SCNN1B: variants seen among roughly 807,000 people sequenced by gnomAD.
SCNN1B encodes the protein epithelial sodium channel subunit beta.
SCNN1B carries 46 observed loss-of-function variants against 65.3 expected under a neutral mutation model. The ratio of observed to expected loss-of-function variants is 0.70; its 90% confidence interval spans 0.56 to 0.90. The LOEUF (loss-of-function observed/expected upper bound fraction) is 0.90, where lower values mean the gene tolerates loss of function less well. SCNN1B is among the 40% of genes least tolerant of loss of function. The pLI is 0.00. For synonymous variants in SCNN1B, 349 were observed against 330.6 expected, an observed-to-expected ratio of 1.06 and a Z score of -0.60; for missense variants, 751 against 830.5, an observed-to-expected ratio of 0.90 and a Z score of 1.18.
chr16:23,308,299 G>A (rs184332443), intron 1 of SCNN1B, among the ~76,000 whole-genome samples: 409 of 152,294 alleles, frequency 2.7e-3, no homozygotes, highest in African/African-American at 9.6e-3. Flanking sequence ...GAGGTGAGAG[G>A]ATCAATTGAG....
At chr16:23,301,257 G>A (rs1351212736), upstream of SCNN1B, among the ~76,000 whole-genome samples, 1 of 151,746 alleles carries the variant, frequency 6.6e-6, no homozygotes, top group African/African-American at 2.4e-5. Flanking sequence ...AGCTACTAGG[G>A]AGGCTGAGGC....
intron 2 of SCNN1B, among the ~76,000 whole-genome samples, chr16:23,288,043 C>G (rs1162341455): frequency 6.6e-6 from 1 of 151,716 alleles, no homozygotes; most frequent in Non-Finnish European, 1.5e-5. Flanking sequence ...GTAGTCCCAG[C>G]TGCTTGGTGG....
intron 2 of SCNN1B, among the ~76,000 whole-genome samples, chr16:23,291,303 T>G (rs928983031): frequency 1.3e-5 from 2 of 152,104 alleles, no homozygotes; most frequent in Admixed American, 6.6e-5. Context: ...CCTCAAGTGA[T>G]CCACCTGCCT....
intron 1 of SCNN1B, among the ~76,000 whole-genome samples, chr16:23,323,030 CAA>C (rs111533667): frequency 7.5e-6 from 1 of 132,900 alleles, no homozygotes. Context: ...ACTAAAAATA[CAA>C]AAAAAAAAAA....
chr16:23,283,603 A>G (rs987279960), intron 1 of SCNN1B: 2 of 152,236 alleles, frequency 1.3e-5, no homozygotes, highest in Non-Finnish European at 2.9e-5. Context: ...CACCATGGTA[A>G]AGTCAGAAAA....
At chr16:23,316,404 TCAC>T (rs1426958643) in intron 1 of SCNN1B, among the ~76,000 whole-genome samples, 1 of 142,250 alleles carries the variant, frequency 7.0e-6, no homozygotes, top group African/African-American at 2.6e-5. Context: ...ATCATCATCA[TCAC>T]CACCATCACC....
chr16:23,329,739 C>T (rs997194189), intron 1 of SCNN1B, among the ~76,000 whole-genome samples: 2 of 152,240 alleles, frequency 1.3e-5, no homozygotes, highest in Non-Finnish European at 2.9e-5. Flanking sequence ...CAAACTGTAT[C>T]TTTATTGCAT....
chr16:23,350,409 G>A lies in SCNN1B; in HGVS notation c.311+1499G>A, dbSNP rs59551399. ...AAGACCTGTGAAGGGGACACAAGAG[G>A]AGACCCAACCTAGTCAGGGTTATGG... On this transcript the variant is annotated intron_variant, in intron 2 of 12. Transcript: ENST00000343070. Among the ~76,000 whole-genome samples the A allele has an allele frequency of 2.1e-3, 315 of 152,244 alleles. 3 individuals carry two copies. The East Asian group carries it at 0.034, about 16-fold the overall frequency.
At chr16:23,369,263 T>A (rs1179914429) in intron 5 of SCNN1B, among the ~76,000 whole-genome samples, 1 of 151,986 alleles carries the variant, frequency 6.6e-6, no homozygotes, top group Non-Finnish European at 1.5e-5. Flanking sequence ...GGCTAATTTT[T>A]TGTAGAGATA....
chr16:23,278,656 A>C (rs2141965310), intron 1 of SCNN1B, among the ~76,000 whole-genome samples: 1 of 152,158 alleles, frequency 6.6e-6, no homozygotes, highest in South Asian at 2.1e-4. Flanking sequence ...GTTGCATAAC[A>C]TCTGAGTGCA....
chr16:23,368,383 A>T (rs909913929), intron 5 of SCNN1B, among the ~76,000 whole-genome samples: 2 of 152,124 alleles, frequency 1.3e-5, no homozygotes, highest in African/African-American at 4.8e-5. Context: ...TTAAAAAAAA[A>T]ATACAAAAAT....
chr16:23,350,212 C>A lies in SCNN1B; in HGVS notation c.311+1302C>A, dbSNP rs111924663. Among the ~76,000 whole-genome samples the A allele has an allele frequency of 6.3e-3, 967 of 152,292 alleles. 11 individuals are homozygous for A. The highest frequency in any genetic ancestry group is 0.022 in the African/African-American group (903 of 41,544). ...CCACCCTAGGATTGGGAACTCCTGT[C>A]GCAGCCCCAGTTTACAGGTGAGGAG... On this transcript the variant is annotated intron_variant, in intron 2 of 12. Coordinates refer to ENST00000343070, the MANE Select transcript of SCNN1B (RefSeq NM_000336.3).
At chr16:23,360,202 A>AAAT (rs1372762605) in intron 4 of SCNN1B, among the ~76,000 whole-genome samples, 2 of 104,492 alleles carry the variant, frequency 1.9e-5, no homozygotes, top group East Asian at 3.0e-4. Context: ...CATCTCAAAA[A>AAAT]AATAAATAAA....
At chr16:23,355,698 C>T (rs773921264) in intron 4 of SCNN1B, among the ~76,000 whole-genome samples, 1 of 152,018 alleles carries the variant, frequency 6.6e-6, no homozygotes, top group Non-Finnish European at 1.5e-5. Flanking sequence ...GCTCGCGAAG[C>T]ATTGAGAGAA....
chr16:23,335,109 AAT>A (rs1961909509), intron 1 of SCNN1B, among the ~76,000 whole-genome samples: 1 of 152,216 alleles, frequency 6.6e-6, no homozygotes, highest in Non-Finnish European at 1.5e-5. Flanking sequence ...TTCACTGATG[AAT>A]GTCCAGCACC....
intron 11 of SCNN1B, among the ~76,000 whole-genome samples, chr16:23,379,402 G>C (rs527870696): frequency 6.6e-5 from 10 of 152,282 alleles, no homozygotes; most frequent in Admixed American, 5.9e-4. Context: ...GAGTACAGCA[G>C]GGAAGGAGCC....
Position 23,332,936 on chromosome 16 carries a change from G to A in SCNN1B, c.-8-15656G>A, listed in dbSNP as rs977368621. ...ATACAAAAACTTAGCTGGACGCGGC[G>A]GCAGGCGCCTGTAATCCCAGCTTAC... is the stretch of plus-strand genomic sequence containing the variant. On this transcript the variant is annotated intron_variant, in intron 1 of 12. Transcript: ENST00000343070. Among the ~76,000 whole-genome samples, 5 of 152,080 alleles carry A rather than the reference G, an allele frequency of 3.3e-5. No homozygotes were observed. The East Asian group carries it at 5.8e-4, about 18-fold the overall frequency.
At chr16:23,310,885 G>T (rs1280188352) in intron 1 of SCNN1B, among the ~76,000 whole-genome samples, 2 of 152,220 alleles carry the variant, frequency 1.3e-5, no homozygotes, top group Non-Finnish European at 2.9e-5. Context: ...CTCAGTGTTG[G>T]TGAAGATGCA....
intron 1 of SCNN1B, among the ~76,000 whole-genome samples, chr16:23,345,368 C>A (rs1012647874): frequency 2.0e-5 from 3 of 152,188 alleles, no homozygotes; most frequent in Non-Finnish European, 4.4e-5. Context: ...AAATGGCAGG[C>A]ATCCAATTTG....
Sources: allele counts gnomAD v4.1 joint callset (sites outside exome capture counted in the v4.1 genomes callset), GRCh38; gene constraint gnomAD v4.1.1; transcripts MANE v1.5; gene names NCBI Gene and HGNC (gene_info 2026-07-23, HGNC 2026-07-21).